Variants in BRAF observed in about 807,000 individuals in gnomAD.
The protein encoded by BRAF is B-Raf proto-oncogene, serine/threonine kinase, also known as serine/threonine-protein kinase B-raf.
In BRAF, 16 loss-of-function variants were observed where a neutral mutation model predicts 104.6. The ratio of observed to expected loss-of-function variants is 0.15; its 90% CI spans 0.10 to 0.23. BRAF has a LOEUF of 0.23. BRAF is among the 10% of genes least tolerant of loss of function. The pLI is 1.00. For missense variants in BRAF, 541 were observed against 937.3 expected, an observed-to-expected ratio of 0.58 and a Z score of 5.52; for synonymous variants, 310 against 341.6, an observed-to-expected ratio of 0.91 and a Z score of 1.02.
At position 140,924,469 on chromosome 7, in the gene BRAF, G is replaced by C. The variant is rs1818635452; in HGVS notation, c.138+97C>G. The C allele has an allele frequency of 2.0e-6, 3 of 1,503,880 alleles. No individual in the cohort carries two copies. The African/African-American group carries it at 4.2e-5, about 21-fold the overall frequency. The allele number at this position is 1,503,880 out of a possible 1,614,324, so 93.2% of individuals were successfully genotyped here. A position where few individuals can be genotyped will look rare whatever the true frequency, so the allele number is the denominator to read the frequency against. Reference sequence around the variant, plus strand: ...GGAGCTGGCCCGAGAAGGTGGCTGAGGGCATCAAGCCCCCACCGCCGCCTC... The same window carrying C: ...GGAGCTGGCCCGAGAAGGTGGCTGACGGCATCAAGCCCCCACCGCCGCCTC... On this transcript the variant is annotated intron_variant, in intron 1 of 19. Coordinates refer to ENST00000644969, the MANE Select transcript of BRAF (RefSeq NM_001374258.1). This position sits in a 1 kb window ranked among gnomAD's most constrained non-coding sequence, Gnocchi z 4.2.
chr7:140,726,937 T>C (rs1275201417), intron 19 of BRAF, among the ~76,000 whole-genome samples: 1 of 152,202 alleles, frequency 6.6e-6, no homozygotes, highest in African/African-American at 2.4e-5. Flanking sequence ...GCAGTAGTTA[T>C]CCTCATTTTG....
At chr7:140,866,710 G>A (rs1436993659) in intron 1 of BRAF, among the ~76,000 whole-genome samples, 1 of 151,852 alleles carries the variant, frequency 6.6e-6, no homozygotes, top group African/African-American at 2.4e-5. Context: ...GGTTCCATGA[G>A]ATACTTAAGT....
At chr7:140,879,684 G>A (rs554682762) in intron 1 of BRAF, among the ~76,000 whole-genome samples, 60 of 151,574 alleles carry the variant, frequency 4.0e-4, no homozygotes, top group African/African-American at 1.4e-3. Context: ...GGCTGCTGCC[G>A]GATCAAGTCA....
intron 7 of BRAF, chr7:140,799,142 G>T (rs1055101472): frequency 2.0e-5 from 4 of 200,196 alleles, no homozygotes; most frequent in Non-Finnish European, 4.1e-5. Flanking sequence ...GTGAACCACC[G>T]CACCCGGCTG....
intron 19 of BRAF, chr7:140,732,912 A>G (rs1200044088): frequency 6.6e-6 from 1 of 152,236 alleles, no homozygotes; most frequent in African/African-American, 2.4e-5. Context: ...TTGTGAATGA[A>G]TAAAACCCTA....
intron 2 of BRAF, among the ~76,000 whole-genome samples, chr7:140,849,568 G>C (rs1315378171): frequency 6.7e-6 from 1 of 150,240 alleles, no homozygotes; most frequent in Non-Finnish European, 1.5e-5. Context: ...TGTAATCCTA[G>C]CACTTTGGGA....
chr7:140,738,893 A>G (rs1041428965), intron 18 of BRAF, among the ~76,000 whole-genome samples: 2 of 152,082 alleles, frequency 1.3e-5, no homozygotes, highest in African/African-American at 2.4e-5. Context: ...TGAGATTTGT[A>G]AGCCACGACA....
At chr7:140,768,357 A>G (rs190165964) in intron 14 of BRAF, among the ~76,000 whole-genome samples, 218 of 152,368 alleles carry the variant, frequency 1.4e-3, no homozygotes, top group Middle Eastern at 0.01. Context: ...CTCCTGCTAC[A>G]GTTTGAATAT....
rs1795347558 is a variant in BRAF at position 140,722,018 on chromosome 7, T to C, written c.*4476A>G. 1.7e-6 allele frequency: 2 copies of C among 1,145,206 alleles called. No homozygotes were observed. The highest frequency in any genetic ancestry group is 2.1e-6 in the Non-Finnish European group (2 of 932,786). The allele number at this position is 1,145,206 out of a possible 1,614,324, so 70.9% of individuals were successfully genotyped here. A position where few individuals can be genotyped will look rare whatever the true frequency, so the allele number is the denominator to read the frequency against. Reference sequence around the variant, plus strand: ...ATTTCAATTTCCCCTTCTAAGTTAATACATGATTGCTGCCCATCATACAGT... The same window carrying C: ...ATTTCAATTTCCCCTTCTAAGTTAACACATGATTGCTGCCCATCATACAGT... On this transcript the variant is annotated 3_prime_UTR_variant, in exon 20 of 20. Coordinates refer to ENST00000644969, the MANE Select transcript of BRAF (RefSeq NM_001374258.1).
rs1374785778 is a variant in BRAF at position 140,785,703 on chromosome 7, C to T, written c.1283G>A (p.Gly428Asp). The T allele has an allele frequency of 1.5e-5, 6 of 398,912 alleles. No individual in the cohort carries two copies. The highest frequency in any genetic ancestry group is 2.7e-5 in the Non-Finnish European group (6 of 226,102). The allele number at this position is 398,912 out of a possible 1,614,324, so 24.7% of individuals were successfully genotyped here. A position where few individuals can be genotyped will look rare whatever the true frequency, so the allele number is the denominator to read the frequency against. The change falls in exon 10 of 20, where the codon GGC becomes GAC. Residue 428 changes from glycine to aspartate, a missense_variant. Coordinates refer to ENST00000644969, the MANE Select transcript of BRAF (RefSeq NM_001374258.1). ...AGCCCAACTACCTCTGAACACTGGG[C>T]CAGGCTCAAAATCAAACACTATTTC... The part of the protein sequence containing the change: ...PSEIVFDFEP[G>D]PVFRGSTTGL...
At chr7:140,832,498 TAAGAA>T (rs1439757550) in intron 3 of BRAF, among the ~76,000 whole-genome samples, 1 of 152,152 alleles carries the variant, frequency 6.6e-6, no homozygotes, top group African/African-American at 2.4e-5. Context: ...AAGAGGTAGT[TAAGAA>T]AAGGGTTAAC....
Position 140,799,131 on chromosome 7 carries a change from C to T in BRAF, c.980+1231G>A, listed in dbSNP as rs368856721. On this transcript the variant is annotated intron_variant, in intron 7 of 19. Transcript: ENST00000644969. Reference sequence around the variant, plus strand: ...CCTCCCAAAGTGCTGGGATTACATGCGTGAACCACCGCACCCGGCTGCCTT... The same window carrying T: ...CCTCCCAAAGTGCTGGGATTACATGTGTGAACCACCGCACCCGGCTGCCTT... 16 of 195,464 alleles carry T rather than the reference C, an allele frequency of 8.2e-5. 1 individual carries two copies. Among genetic ancestry groups the T allele is most frequent in the South Asian group, 7.7e-4 (4 of 5,174 alleles). The allele number at this position is 195,464 out of a possible 1,614,324, so 12.1% of individuals were successfully genotyped here.
chr7:140,904,438 T>C (rs1223570388), intron 1 of BRAF, among the ~76,000 whole-genome samples: 4 of 152,172 alleles, frequency 2.6e-5, no homozygotes, highest in African/African-American at 4.8e-5. Context: ...GTATTTCTTT[T>C]TTGGGGGAGG....
chr7:140,844,016 G>T (rs1586374751), intron 2 of BRAF, among the ~76,000 whole-genome samples: 1 of 151,834 alleles, frequency 6.6e-6, no homozygotes, highest in Non-Finnish European at 1.5e-5. Context: ...CTCAAAAAAA[G>T]AAAAATAATA....
chr7:140,916,024 A>G (rs980791106), intron 1 of BRAF, among the ~76,000 whole-genome samples: 1 of 152,094 alleles, frequency 6.6e-6, no homozygotes, highest in Non-Finnish European at 1.5e-5. Flanking sequence ...TTTTTTTTAA[A>G]AACTCTGCAA....
At chr7:140,718,949 G>C (rs887411902), downstream of BRAF, among the ~76,000 whole-genome samples, 5 of 152,088 alleles carry the variant, frequency 3.3e-5, no homozygotes, top group Admixed American at 3.3e-4. Context: ...TCAAAAGTTT[G>C]AAAAAATACA....
chr7:140,864,361 C>T (rs544755529), intron 1 of BRAF, among the ~76,000 whole-genome samples: 12 of 152,148 alleles, frequency 7.9e-5, no homozygotes, highest in Non-Finnish European at 1.5e-4. Context: ...CTGATGTGTG[C>T]AACGGGTGGA....
chr7:140,734,807 G>GAAAAAAAAAAAAAAAAAAA (rs1562931344), intron 18 of BRAF, 37 bp from the exon 18 acceptor site: 2 of 871,218 alleles, frequency 2.3e-6, no homozygotes, highest in Non-Finnish European at 3.0e-6. Context: ...GAAAAAAAAA[G>GAAAAAAAAAAAAAAAAAAA]AAAAAAGAAA....
At chr7:140,910,961 A>C (rs1489526879) in intron 1 of BRAF, among the ~76,000 whole-genome samples, 1 of 152,096 alleles carries the variant, frequency 6.6e-6, no homozygotes, top group East Asian at 1.9e-4. Context: ...CACCACATCC[A>C]ACCAAAACGC....
Sources: allele counts gnomAD v4.1 joint callset (sites outside exome capture counted in the v4.1 genomes callset), GRCh38; gene constraint gnomAD v4.1.1; non-coding constraint Gnocchi (gnomAD v3.1); transcripts MANE v1.5; gene names NCBI Gene and HGNC (gene_info 2026-07-23, HGNC 2026-07-21).